The following CASD1 variants were observed in gnomAD, a reference collection of about 807,000 sequenced individuals.
CASD1 encodes the protein N-acetylneuraminate (7)9-O-acetyltransferase.
CASD1 carries 41 observed loss-of-function variants against 100.0 expected under a neutral mutation model. The ratio of observed to expected loss-of-function variants is 0.41; its 90% CI spans 0.32 to 0.53. The LOEUF (loss-of-function observed/expected upper bound fraction) is 0.53, where lower values mean the gene tolerates loss of function less well. CASD1 is among the 20% of genes least tolerant of loss of function. CASD1 has a pLI of 0.25. For missense variants in CASD1, 774 were observed against 948.7 expected (o/e 0.82, Z 2.42); for synonymous variants, 321 against 315.6 (o/e 1.02, Z -0.18).
At chr7:94,626,259 T>C in the CASD1 span, 2 of 152,108 alleles carry the variant, frequency 1.3e-5, no homozygotes, top group Non-Finnish European at 2.9e-5. Context: ...TAATGGTTGA[T>C]AAACAGACAT....
In CASD1 at chr7:94,554,432, T is replaced by C. The variant is rs372362899; in HGVS notation, c.2035-51T>C. The stretch of plus-strand genomic sequence containing the variant: ...ATTTAAAAGAAAGCTTTATACAAAA[T>C]ACTTTTCAATAAAGAGATTATTAAT... On this transcript the variant is annotated intron_variant, in intron 16 of 17. Coordinates refer to ENST00000297273, the MANE Select transcript of CASD1 (RefSeq NM_022900.5). 8.3e-6 allele frequency: 10 copies of C among 1,202,486 alleles called. No individual in the cohort carries two copies. In the African/African-American group the frequency reaches 1.2e-4, roughly 15 times the overall value. 74.5% of individuals were successfully genotyped at this position (1,202,486 alleles called of 1,614,324 possible).
chr7:94,617,134 C>T, the CASD1 span: 7 of 152,300 alleles, frequency 4.6e-5, no homozygotes, highest in East Asian at 1.2e-3. Flanking sequence ...CAGCCCTAGG[C>T]TCAAAGAATC....
At position 94,545,569 on chromosome 7, in the gene CASD1, G is replaced by A; in HGVS notation, c.1501G>A (p.Val501Ile). The A allele has an allele frequency of 1.9e-6, 3 of 1,603,156 alleles. No individual in the cohort carries two copies. The highest frequency in any genetic ancestry group is 2.2e-5 in the South Asian group (2 of 89,458). Residue 501 changes from valine to isoleucine, a missense_variant, in exon 12 of 18, where the codon GTA becomes ATA. Physicochemically the swap from Val to Ile is conservative, Grantham distance 29. Around this residue, in one of 5 missense-constraint regions of CASD1, gnomAD observed 453 missense variants for 532.6 expected, o/e 0.85. Coordinates refer to ENST00000297273, the MANE Select transcript of CASD1 (RefSeq NM_022900.5). ...GGTTTTATTTCGTCTCAATTTCCTG[G>A]TAGTGGTGTTATGTATAGTAATGGA... Reference protein sequence around the residue: ...CQVLFRLNFLVVVLCIVMDRP... With the variant: ...CQVLFRLNFLIVVLCIVMDRP...
At chr7:94,581,994 A>G in the CASD1 span, among the ~76,000 whole-genome samples, 1 of 152,180 alleles carries the variant, frequency 6.6e-6, no homozygotes, top group African/African-American at 2.4e-5. Context: ...TCCCACCAAC[A>G]GTGTAAAAGC....
chr7:94,580,696 A>G, the CASD1 span, among the ~76,000 whole-genome samples: 1 of 152,220 alleles, frequency 6.6e-6, no homozygotes, highest in African/African-American at 2.4e-5. Context: ...GAGACTACTC[A>G]TCTTAGGCTG....
rs913640764 is a variant in CASD1, at chr7:94,523,632, C to G, written c.352-3530C>G. On this transcript the variant is annotated intron_variant, in intron 3 of 17. Coordinates refer to ENST00000297273, the MANE Select transcript of CASD1 (RefSeq NM_022900.5). ...CAGTATTGTAAAGATGTCAGTTATT[C>G]CCAAACCGATCTGTAGGTTCAGTGT... Among the ~76,000 whole-genome samples the G allele has an allele frequency of 9.9e-5, 15 of 152,226 alleles. No individual in the cohort carries two copies. The East Asian group carries it at 2.9e-3, about 29-fold the overall frequency.
the CASD1 span, among the ~76,000 whole-genome samples, chr7:94,603,619 T>C: frequency 2.6e-5 from 4 of 152,146 alleles, no homozygotes; most frequent in Non-Finnish European, 5.9e-5. Flanking sequence ...AGGGGCTTCC[T>C]TTCATTCATT....
At chr7:94,561,878 G>A (rs1796344935), downstream of CASD1, among the ~76,000 whole-genome samples, 2 of 152,146 alleles carry the variant, frequency 1.3e-5, no homozygotes, top group Admixed American at 6.6e-5. Context: ...ACTTTAGAAT[G>A]TACCTGAGAA....
Position 94,545,555 on chromosome 7 carries a change from G to T in CASD1, c.1487G>T (p.Arg496Leu). 1 of 1,599,614 alleles carries T rather than the reference G, an allele frequency of 6.3e-7. No individual in the cohort carries two copies. The highest frequency in any genetic ancestry group is 1.1e-5 in the South Asian group (1 of 88,614). The change falls in exon 12 of 18, where the codon CGT becomes CTT. Residue 496 changes from arginine (R) to leucine (L), a missense_variant. Transcript: ENST00000297273. ...TCTCCTTTTCAATAGGTTTTATTTC[G>T]TCTCAATTTCCTGGTAGTGGTGTTA... ...GIYRVCQVLF[R>L]LNFLVVVLCI...
chr7:94,565,968 C>T, the CASD1 span, among the ~76,000 whole-genome samples: 6 of 152,236 alleles, frequency 3.9e-5, no homozygotes, highest in Non-Finnish European at 7.4e-5. Context: ...ATGGGGAGCT[C>T]CAAAACCAAG....
At chr7:94,583,248 G>A in the CASD1 span, among the ~76,000 whole-genome samples, 6 of 152,154 alleles carry the variant, frequency 3.9e-5, no homozygotes, top group Admixed American at 6.5e-5. Flanking sequence ...AATTTTTAAT[G>A]CATACTTTGA....
the CASD1 span, among the ~76,000 whole-genome samples, chr7:94,630,841 G>A: frequency 1.3e-5 from 2 of 151,456 alleles, no homozygotes; most frequent in South Asian, 2.1e-4. Flanking sequence ...TGAACCACAA[G>A]GCTGCTCACT....
At chr7:94,531,655 A>T (rs912965677) in intron 5 of CASD1, among the ~76,000 whole-genome samples, 5 of 151,972 alleles carry the variant, frequency 3.3e-5, no homozygotes, top group African/African-American at 1.2e-4. Flanking sequence ...AAGAAAATGG[A>T]TTTATTTTGT....
At chr7:94,606,528 G>A in the CASD1 span, among the ~76,000 whole-genome samples, 1 of 152,174 alleles carries the variant, frequency 6.6e-6, no homozygotes, top group African/African-American at 2.4e-5. Flanking sequence ...CACTATTATA[G>A]CTGGACATTT....
At chr7:94,599,707 G>T in the CASD1 span, 2 of 1,608,852 alleles carry the variant, frequency 1.2e-6, no homozygotes, top group Non-Finnish European at 1.7e-6. Flanking sequence ...TCTGGTGTTT[G>T]CATGTTTCTC....
At chr7:94,617,160 C>A in the CASD1 span, 11 of 152,170 alleles carry the variant, frequency 7.2e-5, no homozygotes, top group Non-Finnish European at 1.5e-4. Context: ...CTAGGGGGAA[C>A]AAAGGCCAGG....
chr7:94,629,323 A>C, the CASD1 span: 1 of 161,958 alleles, frequency 6.2e-6, no homozygotes, highest in Admixed American at 6.2e-5. Flanking sequence ...GCTTTTTAAA[A>C]GCTCTTACCT....
intron 4 of CASD1, 34 bp downstream of exon 4, chr7:94,527,240 A>G (rs207468285): frequency 1.2e-5 from 17 of 1,458,798 alleles, no homozygotes; most frequent in Admixed American, 1.0e-4. Context: ...AGATGTTACA[A>G]TGTTGAAACT....
At chr7:94,555,189 T>A (rs1187787599) in intron 17 of CASD1, among the ~76,000 whole-genome samples, 1 of 151,890 alleles carries the variant, frequency 6.6e-6, no homozygotes, top group South Asian at 2.1e-4. Context: ...TATTTTAGAG[T>A]TTTTAGAGTA....
Sources: allele counts gnomAD v4.1 joint callset (sites outside exome capture counted in the v4.1 genomes callset), GRCh38; gene constraint gnomAD v4.1.1; regional missense constraint gnomAD v4.1.1; transcripts MANE v1.5; gene names NCBI Gene and HGNC (gene_info 2026-07-23, HGNC 2026-07-21).